Variants in MINDY4 observed in about 807,000 individuals in gnomAD.
MINDY4 encodes probable ubiquitin carboxyl-terminal hydrolase MINDY-4.
Under a neutral mutation model 87.0 loss-of-function variants are expected in MINDY4, and 68 were observed. That is an observed-to-expected ratio of 0.78 (90% CI 0.64 to 0.96). The LOEUF (loss-of-function observed/expected upper bound fraction) is 0.96. MINDY4 is among the 40% of genes least tolerant of loss of function. MINDY4 has a pLI of 0.00. For missense variants in MINDY4, 919 were observed against 928.2 expected, an observed-to-expected ratio of 0.99 and a Z score of 0.13; for synonymous variants, 379 against 363.2, an observed-to-expected ratio of 1.04 and a Z score of -0.50.
In MINDY4 at chr7:30,852,397, C is replaced by G. The variant is rs1366345007; in HGVS notation, c.1611+118C>G. ...GGCTGGCCTTCCGCAGCCCAGGTCC[C>G]AGGAATCCTCATCCTGGGATTAGGG... On this transcript the variant is annotated intron_variant, in intron 11 of 17. Transcript: ENST00000265299. The G allele has an allele frequency of 8.5e-6, 13 of 1,532,816 alleles. No homozygotes were observed. The East Asian group carries it at 2.9e-4, about 34-fold the overall frequency. 95.0% of individuals were successfully genotyped at this position (1,532,816 alleles called of 1,614,324 possible).
intron 5 of MINDY4, among the ~76,000 whole-genome samples, chr7:30,809,255 GATGGCCC>G (rs1787910661): frequency 6.6e-6 from 1 of 151,834 alleles, no homozygotes; most frequent in African/African-American, 2.4e-5. Flanking sequence ...GTAACCTGCG[GATGGCCC>G]AAATGCATTC....
At chr7:30,852,377 G>A in intron 11 of MINDY4, 98 bp downstream of exon 11, 1 of 1,575,922 alleles carries the variant, frequency 6.3e-7, no homozygotes, top group Non-Finnish European at 8.6e-7. Context: ...GGACAGGCTG[G>A]CCTTCCGCAG....
chr7:30,791,026 A>G (rs1205930075), intron 4 of MINDY4, 139 bp from the exon 5 acceptor site: 14 of 892,360 alleles, frequency 1.6e-5, no homozygotes, highest in Admixed American at 4.7e-5. Flanking sequence ...AATAGGCAAG[A>G]TTTTAAGGGA....
chr7:30,835,618 AAGG>A (rs1250095842), intron 6 of MINDY4, among the ~76,000 whole-genome samples: 1 of 152,176 alleles, frequency 6.6e-6, no homozygotes, highest in East Asian at 1.9e-4. Context: ...CCTGGGGAGA[AAGG>A]AGGCTGTAGC....
chr7:30,865,190 C>T (rs1789894718), intron 13 of MINDY4, among the ~76,000 whole-genome samples: 1 of 152,220 alleles, frequency 6.6e-6, no homozygotes, highest in African/African-American at 2.4e-5. Flanking sequence ...TGCCCTCTCT[C>T]ACCTGAATCT....
chr7:30,778,697 T>A (rs1167116531), intron 2 of MINDY4, 146 bp downstream of exon 2: 1 of 914,066 alleles, frequency 1.1e-6, no homozygotes, highest in East Asian at 2.4e-5. Flanking sequence ...ACCCCCCAAA[T>A]GTGGACAGAT....
chr7:30,882,870 G>A (rs2128582001), intron 16 of MINDY4, 51 bp from the exon 17 acceptor site: 2 of 1,573,594 alleles, frequency 1.3e-6, no homozygotes, highest in East Asian at 2.2e-5. Context: ...TGACCTCAGG[G>A]TGAGTGCAGG....
chr7:30,851,780 C>T (rs532266952), intron 10 of MINDY4, among the ~76,000 whole-genome samples: 6 of 152,218 alleles, frequency 3.9e-5, no homozygotes, highest in Admixed American at 1.3e-4. Flanking sequence ...GATTCCTGGA[C>T]GTCTTGGGCT....
intron 6 of MINDY4, among the ~76,000 whole-genome samples, chr7:30,829,424 G>C (rs1024034406): frequency 1.3e-5 from 2 of 152,214 alleles, no homozygotes; most frequent in African/African-American, 2.4e-5. Context: ...GCCAACATTT[G>C]CTCCTTTTCT....
rs148051200 is a variant in MINDY4 at position 30,823,222 on chromosome 7, CT to C, written c.1074-5453del. 7.8e-3 allele frequency among the ~76,000 whole-genome samples: 1,186 copies of C among 152,216 alleles called. 13 individuals carry two copies. Among genetic ancestry groups the C allele is most frequent in the African/African-American group, 0.027 (1,133 of 41,526 alleles). The stretch of plus-strand genomic sequence containing the variant: ...TCTATCATTGTAAAGATAACTTTCC[CT>C]TTTGCAATTAATAAGTAATCTGAAA... On this transcript the variant is annotated intron_variant, in intron 5 of 17. Transcript: ENST00000265299.
intron 3 of MINDY4, among the ~76,000 whole-genome samples, chr7:30,784,510 G>A (rs1787097219): frequency 6.6e-6 from 1 of 152,154 alleles, no homozygotes; most frequent in Non-Finnish European, 1.5e-5. Flanking sequence ...CTAAGATAGC[G>A]TGAGCTTTCC....
intron 5 of MINDY4, among the ~76,000 whole-genome samples, chr7:30,807,978 C>T (rs983725151): frequency 3.3e-5 from 5 of 152,178 alleles, no homozygotes; most frequent in African/African-American, 7.2e-5. Context: ...GTTTTGTCTG[C>T]GGCTTGTCCT....
At chr7:30,875,098 T>G (rs998182722) in intron 14 of MINDY4, among the ~76,000 whole-genome samples, 28 of 152,352 alleles carry the variant, frequency 1.8e-4, no homozygotes, top group African/African-American at 6.7e-4. Context: ...CACACATTTT[T>G]ACAGCCCCAG....
intron 14 of MINDY4, among the ~76,000 whole-genome samples, chr7:30,873,684 G>A (rs980078306): frequency 3.9e-5 from 6 of 152,198 alleles, no homozygotes; most frequent in African/African-American, 1.4e-4. Context: ...GCAGGGAGAG[G>A]CCTGATGCCC....
Position 30,892,255 on chromosome 7 carries a change from GTC to G in MINDY4, c.*254_*255del. 5.9e-6 allele frequency: 3 copies of G among 512,484 alleles called. No homozygotes were observed. The highest frequency in any genetic ancestry group is 3.5e-6 in the Non-Finnish European group (1 of 287,690). The allele number at this position is 512,484 out of a possible 1,614,324, so 31.7% of individuals were successfully genotyped here. A position where few individuals can be genotyped will look rare whatever the true frequency, so the allele number is the denominator to read the frequency against. On this transcript the variant is annotated 3_prime_UTR_variant, in exon 18 of 18. Coordinates refer to ENST00000265299, the MANE Select transcript of MINDY4 (RefSeq NM_032222.3). ...TGAGTACTGGAAGGAGGTTGCCAGG[GTC>G]TCTGCTACCTTTGTCTGCATCCCTC...
chr7:30,810,033 A>G (rs952840612), intron 5 of MINDY4, among the ~76,000 whole-genome samples: 7 of 151,760 alleles, frequency 4.6e-5, no homozygotes, highest in Non-Finnish European at 1.0e-4. Flanking sequence ...AAAATTAGCC[A>G]GTCATGGTGG....
intron 14 of MINDY4, among the ~76,000 whole-genome samples, chr7:30,873,280 C>G (rs1562562673): frequency 1.3e-5 from 2 of 152,184 alleles, no homozygotes; most frequent in Admixed American, 6.5e-5. Context: ...CCCATGGGAG[C>G]TTTCCCTTTT....
chr7:30,802,616 AT>A (rs1787689264), intron 5 of MINDY4, among the ~76,000 whole-genome samples: 1 of 152,216 alleles, frequency 6.6e-6, no homozygotes, highest in Non-Finnish European at 1.5e-5. Flanking sequence ...AGGGAAAGTT[AT>A]GCTAATCTGT....
chr7:30,819,892 ATTTTTTTTTTTT>A (rs60124746), intron 5 of MINDY4, among the ~76,000 whole-genome samples: 1 of 96,660 alleles, frequency 1.0e-5, no homozygotes, highest in Non-Finnish European at 1.9e-5. Context: ...CATATAGATA[ATTTTTTTTTTTT>A]TTTTTTTTTT....
Sources: gnomAD v4.1 joint callset for allele counts (sites outside exome capture counted in the v4.1 genomes callset) on GRCh38, gnomAD v4.1.1 for gene constraint, MANE v1.5 for transcripts, NCBI Gene and HGNC (gene_info 2026-07-23, HGNC 2026-07-21) for gene names.